SMCHD1: variants seen among roughly 807,000 people sequenced by gnomAD.
SMCHD1 encodes structural maintenance of chromosomes flexible hinge domain-containing protein 1.
Under a neutral mutation model 254.7 loss-of-function variants are expected in SMCHD1, and 78 were observed. The ratio of observed to expected loss-of-function variants is 0.31; its 90% CI spans 0.26 to 0.37. The LOEUF (loss-of-function observed/expected upper bound fraction) is 0.37. Among genes scored for constraint, SMCHD1 ranks in the 10% least tolerant of loss-of-function variants. The pLI is 1.00. For synonymous variants in SMCHD1, 766 were observed against 794.9 expected (o/e 0.96, Z 0.61); for missense variants, 1,840 against 2,408.1 (o/e 0.76, Z 4.94).
At position 2,752,498 on chromosome 18, in the gene SMCHD1, T is replaced by G; in HGVS notation, c.4292T>G (p.Phe1431Cys). 6.2e-7 allele frequency: 1 copy of G among 1,601,654 alleles called. No individual in the cohort carries two copies. The highest frequency in any genetic ancestry group is 8.6e-7 in the Non-Finnish European group (1 of 1,169,320). ...GNRPPANAET[F>C]SCNKIKDNDK... ...TACTCCCCTTTCTAGGCAGAAACAT[T>G]TAGTTGTAATAAAATAAAAGATAAT... The change falls in exon 34 of 48, where the codon TTT becomes TGT. Residue 1431 changes from phenylalanine (F) to cysteine (C), a missense_variant. By Grantham distance (205) the Phe-to-Cys change is radical. Around this residue, in one of 9 missense-constraint regions of SMCHD1, gnomAD observed 881 missense variants for 1,009.5 expected, o/e 0.87. Coordinates refer to ENST00000320876, the MANE Select transcript of SMCHD1 (RefSeq NM_015295.3).
intron 41 of SMCHD1, 48 bp downstream of exon 41, chr18:2,772,420 G>A (rs779109405): frequency 1.4e-6 from 2 of 1,451,304 alleles, no homozygotes; most frequent in Non-Finnish European, 1.8e-6. Flanking sequence ...TTATTATCTT[G>A]TTTGTTTAAA....
chr18:2,678,178 C>T (rs1421525942), intron 5 of SMCHD1, among the ~76,000 whole-genome samples: 2 of 152,118 alleles, frequency 1.3e-5, no homozygotes, highest in African/African-American at 4.8e-5. Flanking sequence ...AGAAGATTTA[C>T]AAAGAATGCA....
At chr18:2,685,722 A>G (rs1054825451) in intron 5 of SMCHD1, among the ~76,000 whole-genome samples, 1 of 152,196 alleles carries the variant, frequency 6.6e-6, no homozygotes, top group African/African-American at 2.4e-5. Flanking sequence ...GTCATTATAC[A>G]GTATTTGTCA....
At chr18:2,770,782 G>C (rs1189900815) in intron 39 of SMCHD1, among the ~76,000 whole-genome samples, 1 of 151,964 alleles carries the variant, frequency 6.6e-6, no homozygotes, top group African/African-American at 2.4e-5. Flanking sequence ...CACCACGCCT[G>C]GCTGATTTTT....
At chr18:2,660,092 G>C (rs1367747682) in intron 1 of SMCHD1, among the ~76,000 whole-genome samples, 1 of 152,170 alleles carries the variant, frequency 6.6e-6, no homozygotes, top group Non-Finnish European at 1.5e-5. Flanking sequence ...GGGAGGCCAA[G>C]GCGGGCGGAT....
At chr18:2,788,308 C>T (rs1568391532) in intron 45 of SMCHD1, among the ~76,000 whole-genome samples, 1 of 152,146 alleles carries the variant, frequency 6.6e-6, no homozygotes, top group Non-Finnish European at 1.5e-5. Context: ...ACGTTGCAGA[C>T]ACCCTGTTAA....
At chr18:2,659,574 T>G (rs1174394424) in intron 1 of SMCHD1, among the ~76,000 whole-genome samples, 2 of 152,194 alleles carry the variant, frequency 1.3e-5, no homozygotes, top group African/African-American at 4.8e-5. Context: ...AGATGACTCA[T>G]TTGGTTAGTT....
At position 2,777,799 on chromosome 18, in the gene SMCHD1, T is replaced by C. The variant is rs1349523815; in HGVS notation, c.5367-7T>C. ...TTAATATCTTTTTAAAATTTCTTTT[T>C]ATTTAGATCTCTACCTCATTTCCGA... On this transcript the variant is annotated splice_region_variant and splice_polypyrimidine_tract_variant and intron_variant, in intron 42 of 47. Transcript: ENST00000320876. The C allele has an allele frequency of 1.4e-6, 2 of 1,457,656 alleles. No individual in the cohort carries two copies. Among genetic ancestry groups the C allele is most frequent in the Non-Finnish European group, 1.8e-6 (2 of 1,085,696 alleles). The allele number at this position is 1,457,656 out of a possible 1,614,324, so 90.3% of individuals were successfully genotyped here.
chr18:2,766,657 C>A (rs1286858994), intron 37 of SMCHD1, among the ~76,000 whole-genome samples: 2 of 152,206 alleles, frequency 1.3e-5, no homozygotes, highest in African/African-American at 2.4e-5. Context: ...TTTAAAGTTA[C>A]AATCTAAATT....
At chr18:2,704,012 C>T in intron 13 of SMCHD1, 126 bp downstream of exon 13, 1 of 657,126 alleles carries the variant, frequency 1.5e-6, no homozygotes, top group Non-Finnish European at 2.4e-6. Flanking sequence ...TCTCACATTT[C>T]ATGAAGAACA....
At chr18:2,737,231 G>A (rs1171417256) in intron 25 of SMCHD1, among the ~76,000 whole-genome samples, 2 of 152,104 alleles carry the variant, frequency 1.3e-5, no homozygotes, top group Admixed American at 6.6e-5. Flanking sequence ...CAAAAAAGGG[G>A]AGGGTAATAG....
At chr18:2,726,617 G>C in intron 22 of SMCHD1, 93 bp downstream of exon 22, 1 of 524,832 alleles carries the variant, frequency 1.9e-6, no homozygotes, top group Non-Finnish European at 3.1e-6. Context: ...GCTTTTAGTA[G>C]TGGTGTAAAT....
rs2074840677 is a variant in SMCHD1 at position 2,717,990 on chromosome 18, CTAT to C, written c.2261-160_2261-158del. On this transcript the variant is annotated intron_variant, in intron 17 of 47. Coordinates refer to ENST00000320876, the MANE Select transcript of SMCHD1 (RefSeq NM_015295.3). ...AGATTTTAATGAATTGAAGAGTTAACTATTATTATTGCTGTTCACTTTCATAGG... is the reference window on the plus strand; with the variant it reads ...AGATTTTAATGAATTGAAGAGTTAACTATTATTGCTGTTCACTTTCATAGG... Among the ~76,000 whole-genome samples the C allele has an allele frequency of 2.0e-5, 3 of 151,926 alleles. 1 individual carries two copies. The highest frequency in any genetic ancestry group is 4.1e-4 in the South Asian group (2 of 4,828).
At chr18:2,794,979 G>T (rs2076232503) in intron 45 of SMCHD1, among the ~76,000 whole-genome samples, 1 of 151,820 alleles carries the variant, frequency 6.6e-6, no homozygotes, top group Non-Finnish European at 1.5e-5. Context: ...AGTAATTTAA[G>T]AAAAGTTAAG....
Position 2,706,387 on chromosome 18 carries a change from A to C in SMCHD1, c.1980A>C (p.Glu660Asp). Residue 660 changes from glutamate to aspartate, a missense_variant, in exon 15 of 48, where the codon GAA (glutamate) becomes GAC (aspartate). Glu to Asp is a conservative substitution (Grantham distance 45). This residue lies in a region of SMCHD1 where 498 missense variants were observed against 743.5 expected (regional missense o/e 0.67). Transcript: ENST00000320876. ...AGGAACCTCAGGCACTATATGATGA[A>C]GTAAGAACTGTGCCAATTGCAAAGC... ...IAMEPQALYD[E>D]VRTVPIAKLD... is the part of the protein sequence containing the mutation. The C allele has an allele frequency of 6.3e-7, 1 of 1,587,490 alleles. No individual in the cohort carries two copies. Among genetic ancestry groups the C allele is most frequent in the Non-Finnish European group, 8.6e-7 (1 of 1,166,050 alleles).
At chr18:2,732,669 A>G (rs62084258) in intron 25 of SMCHD1, among the ~76,000 whole-genome samples, 177 bp downstream of exon 25, 1 of 152,050 alleles carries the variant, frequency 6.6e-6, no homozygotes, top group Non-Finnish European at 1.5e-5. Context: ...TTGAAATGCA[A>G]ATGATTCATA....
chr18:2,687,145 A>AT (rs2074070297), intron 5 of SMCHD1, among the ~76,000 whole-genome samples: 1 of 152,166 alleles, frequency 6.6e-6, no homozygotes, highest in Non-Finnish European at 1.5e-5. Flanking sequence ...TATTGAAGGT[A>AT]TTTAAAGTGT....
At chr18:2,712,499 AC>A (rs1019611245) in intron 17 of SMCHD1, among the ~76,000 whole-genome samples, 1 of 152,220 alleles carries the variant, frequency 6.6e-6, no homozygotes, top group Non-Finnish European at 1.5e-5. Flanking sequence ...GATTGAAAAT[AC>A]GTTTTTGCGG....
intron 24 of SMCHD1, among the ~76,000 whole-genome samples, chr18:2,731,285 T>C (rs1012432918): frequency 5.9e-5 from 9 of 152,226 alleles, no homozygotes; most frequent in Non-Finnish European, 1.3e-4. Flanking sequence ...AAACTTATTT[T>C]AAATTTAGTG....
Sources: allele counts gnomAD v4.1 joint callset (sites outside exome capture counted in the v4.1 genomes callset), GRCh38; gene constraint gnomAD v4.1.1; regional missense constraint gnomAD v4.1.1; transcripts MANE v1.5; gene names NCBI Gene and HGNC (gene_info 2026-07-23, HGNC 2026-07-21).